The following ZEB2 variants were observed in gnomAD, a reference collection of about 807,000 sequenced individuals.
ZEB2 encodes zinc finger E-box binding homeobox 2, also known as zinc finger E-box-binding homeobox 2.
A neutral mutation model predicts 99.9 loss-of-function variants in ZEB2; 6 were observed. The ratio of observed to expected loss-of-function variants is 0.06; its 90% CI spans 0.03 to 0.12. The LOEUF (loss-of-function observed/expected upper bound fraction) is 0.12. Among genes scored for constraint, ZEB2 ranks in the 10% least tolerant of loss-of-function variants. ZEB2 has a pLI of 1.00. For synonymous variants in ZEB2, 517 were observed against 542.5 expected, an observed-to-expected ratio of 0.95 and a Z score of 0.65; for missense variants, 969 against 1,502.8, an observed-to-expected ratio of 0.64 and a Z score of 5.87.
chr2:144,465,842 T>G lies in ZEB2; in HGVS notation c.74-35816A>C, dbSNP rs144859272. ...AGTCAAAGTTTATGTCCTGAGGTTG[T>G]ACCTACAGGAAGCCAGATGTGCCTT... On this transcript the variant is annotated intron_variant, in intron 2 of 9. Coordinates refer to ENST00000627532, the MANE Select transcript of ZEB2 (RefSeq NM_014795.4). Among the ~76,000 whole-genome samples, 323 of 152,320 alleles carry G rather than the reference T, an allele frequency of 2.1e-3. 1 individual carries two copies. The highest frequency in any genetic ancestry group is 4.1e-3 in the Non-Finnish European group (280 of 68,028).
intron 2 of ZEB2, chr2:144,511,458 T>C: frequency 7.9e-7 from 1 of 1,263,872 alleles, no homozygotes; most frequent in Non-Finnish European, 1.0e-6. Context: ...CACTCTGACA[T>C]GACTGTCACA....
intron 2 of ZEB2, among the ~76,000 whole-genome samples, chr2:144,446,186 G>A (rs1345880099): frequency 6.6e-6 from 1 of 152,096 alleles, no homozygotes; most frequent in East Asian, 1.9e-4. Context: ...CACTGTGTGG[G>A]CAATAACATT....
intron 2 of ZEB2, among the ~76,000 whole-genome samples, chr2:144,441,055 C>T (rs1438294725): frequency 1.4e-5 from 2 of 148,100 alleles, no homozygotes; most frequent in Non-Finnish European, 3.0e-5. Flanking sequence ...TCTAGTTTGC[C>T]GCCACCAGAC....
chr2:144,513,695 CA>C, intron 2 of ZEB2: 1 of 1,535,750 alleles, frequency 6.5e-7, no homozygotes, highest in South Asian at 1.2e-5. Flanking sequence ...CTGCCCGAAT[CA>C]GGGGCAAAAG....
chr2:144,478,759 G>A (rs551746107), intron 2 of ZEB2, among the ~76,000 whole-genome samples: 1 of 152,246 alleles, frequency 6.6e-6, no homozygotes, highest in African/African-American at 2.4e-5. Context: ...TATGCTCTCT[G>A]TTACTGCTAA....
intron 5 of ZEB2, 114 bp from the exon 6 acceptor site, chr2:144,404,244 A>AG: frequency 4.2e-6 from 5 of 1,182,880 alleles, no homozygotes; most frequent in Non-Finnish European, 6.1e-6. Context: ...AATCTGCTCC[A>AG]CAGAGTGCCA....
chr2:144,472,347 A>T (rs2149909830), intron 2 of ZEB2, among the ~76,000 whole-genome samples: 1 of 152,256 alleles, frequency 6.6e-6, no homozygotes, highest in South Asian at 2.1e-4. Context: ...TCTAAGACAT[A>T]AACTACTGTT....
At chr2:144,503,926 T>C (rs1003268905) in intron 2 of ZEB2, 3 of 152,092 alleles carry the variant, frequency 2.0e-5, no homozygotes, top group Non-Finnish European at 4.4e-5. Flanking sequence ...CTACTTGTAC[T>C]GGCTTTTTGT....
intron 2 of ZEB2, chr2:144,512,802 T>G: frequency 7.8e-7 from 1 of 1,287,206 alleles, no homozygotes; most frequent in Non-Finnish European, 1.0e-6. Flanking sequence ...CTTGTGTGTG[T>G]GCAGCGTGAC....
intron 2 of ZEB2, chr2:144,511,640 G>C: frequency 1.6e-6 from 2 of 1,286,984 alleles, no homozygotes; most frequent in Non-Finnish European, 2.0e-6. Context: ...TTTCCAAGTG[G>C]TAAGCTGATG....
In ZEB2 at chr2:144,387,425, C is replaced by T. The variant is rs1364786715; in HGVS notation, c.*2026G>A. On this transcript the variant is annotated 3_prime_UTR_variant, in exon 10 of 10. Coordinates refer to ENST00000627532, the MANE Select transcript of ZEB2 (RefSeq NM_014795.4). Reference sequence around the variant, plus strand: ...TAAAACCTACGAATACATTCATATTCTGAATATTAGGGTCATCTTGTAAAA... The same window carrying T: ...TAAAACCTACGAATACATTCATATTTTGAATATTAGGGTCATCTTGTAAAA... 6.6e-6 allele frequency: 1 copy of T among 152,090 alleles called. No individual in the cohort carries two copies. The highest frequency in any genetic ancestry group is 2.4e-5 in the African/African-American group (1 of 41,418). The allele number at this position is 152,090 out of a possible 1,614,324, so 9.4% of individuals were successfully genotyped here.
chr2:144,448,254 T>C (rs1392921161), intron 2 of ZEB2, among the ~76,000 whole-genome samples: 1 of 152,122 alleles, frequency 6.6e-6, no homozygotes, highest in Non-Finnish European at 1.5e-5. Flanking sequence ...GGTCATGACA[T>C]TTAAGCATGA....
At chr2:144,497,904 AACATAT>A (rs56048958) in intron 2 of ZEB2, 6 of 31,192 alleles carry the variant, frequency 1.9e-4, no homozygotes, top group East Asian at 1.3e-3. Flanking sequence ...TGTCATTCTC[AACATAT>A]ATATTATATA....
chr2:144,466,800 G>A (rs921643875), intron 2 of ZEB2, among the ~76,000 whole-genome samples: 23 of 152,176 alleles, frequency 1.5e-4, no homozygotes, highest in Admixed American at 6.6e-5. Flanking sequence ...TAGTGTAAAT[G>A]CCTGCTTCTT....
At chr2:144,497,038 T>A (rs1415556273) in intron 2 of ZEB2, among the ~76,000 whole-genome samples, 2 of 152,196 alleles carry the variant, frequency 1.3e-5, no homozygotes, top group African/African-American at 4.8e-5. Context: ...GTTTCAGACA[T>A]CTCAGTTGGC....
intron 2 of ZEB2, among the ~76,000 whole-genome samples, chr2:144,444,388 T>C (rs2149897235): frequency 1.3e-5 from 2 of 152,350 alleles, no homozygotes; most frequent in East Asian, 3.9e-4. Flanking sequence ...TGATTAAGCC[T>C]GAACACAATG....
chr2:144,515,692 T>C (rs1705122170), intron 2 of ZEB2, among the ~76,000 whole-genome samples: 1 of 151,090 alleles, frequency 6.6e-6, no homozygotes, highest in Admixed American at 6.6e-5. Context: ...AACGAACAGT[T>C]TCTGACTAAA....
intron 2 of ZEB2, among the ~76,000 whole-genome samples, chr2:144,514,960 C>G (rs1408364963): frequency 6.6e-6 from 1 of 152,162 alleles, no homozygotes; most frequent in Non-Finnish European, 1.5e-5. Context: ...ACCTGCGAAG[C>G]GCCCAACGGG....
chr2:144,444,896 T>C (rs528398811), intron 2 of ZEB2: 1 of 152,282 alleles, frequency 6.6e-6, no homozygotes, highest in Non-Finnish European at 1.5e-5. Context: ...GCTCTCTGGC[T>C]CCTCACTGCC....
Sources: gnomAD v4.1 joint callset for allele counts (sites outside exome capture counted in the v4.1 genomes callset) on GRCh38, gnomAD v4.1.1 for gene constraint, MANE v1.5 for transcripts, NCBI Gene and HGNC (gene_info 2026-07-23, HGNC 2026-07-21) for gene names.